The following MAGI2 variants were observed in gnomAD, a reference collection of about 807,000 sequenced individuals.
MAGI2 encodes membrane associated guanylate kinase, WW and PDZ domain containing 2.
A neutral mutation model predicts 133.3 loss-of-function variants in MAGI2; 35 were observed. The ratio of observed to expected loss-of-function variants is 0.26; its 90% CI spans 0.20 to 0.35. The LOEUF (loss-of-function observed/expected upper bound fraction) is 0.35. Among genes scored for constraint, MAGI2 ranks in the 10% least tolerant of loss-of-function variants. The pLI is 1.00. For synonymous variants in MAGI2, 729 were observed against 710.6 expected (o/e 1.03, Z -0.41); for missense variants, 1,636 against 1,863.4 (o/e 0.88, Z 2.25).
intron 2 of MAGI2, among the ~76,000 whole-genome samples, chr7:78,715,017 A>C (rs1469783595): frequency 6.6e-6 from 1 of 152,118 alleles, no homozygotes; most frequent in African/African-American, 2.4e-5. Flanking sequence ...GAGACCTCTT[A>C]TATATGTTTT....
intron 3 of MAGI2, among the ~76,000 whole-genome samples, chr7:78,566,242 T>C (rs1486593100): frequency 1.6e-4 from 24 of 152,070 alleles, no homozygotes. Context: ...AAGACCAATT[T>C]TCCTGAACAT....
At chr7:78,709,643 T>C (rs1280725000) in intron 2 of MAGI2, among the ~76,000 whole-genome samples, 1 of 152,174 alleles carries the variant, frequency 6.6e-6, no homozygotes, top group Non-Finnish European at 1.5e-5. Flanking sequence ...CCTCAATGAG[T>C]TTCTTAGGAG....
At chr7:78,471,502 G>T (rs920389656) in intron 6 of MAGI2, among the ~76,000 whole-genome samples, 1 of 152,112 alleles carries the variant, frequency 6.6e-6, no homozygotes, top group Non-Finnish European at 1.5e-5. Context: ...TAGAGAGCAA[G>T]AATGTATTGA....
At chr7:78,794,677 C>T (rs1787452764) in intron 2 of MAGI2, among the ~76,000 whole-genome samples, 1 of 151,168 alleles carries the variant, frequency 6.6e-6, no homozygotes, top group Non-Finnish European at 1.5e-5. Flanking sequence ...ATTTTATACA[C>T]TTGAAAATTA....
chr7:79,444,848 C>T (rs1350091301), intron 1 of MAGI2, among the ~76,000 whole-genome samples: 15 of 152,174 alleles, frequency 9.9e-5, no homozygotes, highest in Non-Finnish European at 2.1e-4. Context: ...AAAGAGCCTG[C>T]ATTGCCAAGT....
In MAGI2 at chr7:79,453,439, G is replaced by C; in HGVS notation, c.-119C>G. On this transcript the variant is annotated 5_prime_UTR_variant, in exon 1 of 22. Transcript: ENST00000354212. The stretch of plus-strand genomic sequence containing the variant: ...GGGAAGAACAGCAGACTTTGCCTTC[G>C]CCCCCCTCTATTCGGTGCTTTCCCT... 1 of 1,493,814 alleles carries C rather than the reference G, an allele frequency of 6.7e-7. No individual in the cohort carries two copies. 92.5% of individuals were successfully genotyped at this position (1,493,814 alleles called of 1,614,324 possible).
rs1465070150 is a variant in MAGI2, at chr7:78,160,162, C to T, written c.2708G>A (p.Ser903Asn). 3.1e-6 allele frequency: 5 copies of T among 1,612,702 alleles called. No homozygotes were observed. Among genetic ancestry groups the T allele is most frequent in the Non-Finnish European group, 4.2e-6 (5 of 1,179,422 alleles). The stretch of plus-strand genomic sequence containing the variant: ...GAAGCCTTCAGGGGGAGAGGCATTG[C>T]TACTGGGGGCAGCGTGGTTGCTGTT... ...YTNSNHAAPSSNASPPEGFAS... is the reference protein window; with the variant it reads ...YTNSNHAAPSNNASPPEGFAS... Residue 903 changes from serine to asparagine, a missense_variant, in exon 16 of 22, where the codon AGC (serine) becomes AAC (asparagine). This residue lies in a region of MAGI2 where 920 missense variants were observed against 1,093.5 expected (regional missense o/e 0.84). Transcript: ENST00000354212.
At chr7:78,461,605 G>A (rs995170498) in intron 6 of MAGI2, among the ~76,000 whole-genome samples, 4 of 151,924 alleles carry the variant, frequency 2.6e-5, no homozygotes, top group African/African-American at 9.7e-5. Flanking sequence ...TCACTGAAGA[G>A]AAGTGATGTA....
chr7:78,693,200 T>C (rs940995301), intron 2 of MAGI2, among the ~76,000 whole-genome samples: 1 of 152,162 alleles, frequency 6.6e-6, no homozygotes, highest in Non-Finnish European at 1.5e-5. Context: ...AGCTTCCTTG[T>C]CTGAAAAGGA....
At chr7:78,686,926 CA>C (rs1045138388) in intron 2 of MAGI2, among the ~76,000 whole-genome samples, 148 of 152,276 alleles carry the variant, frequency 9.7e-4, no homozygotes, top group African/African-American at 3.3e-3. Flanking sequence ...AGCATTCAAG[CA>C]GGGGTGAATG....
chr7:78,609,083 C>G (rs935003158), intron 3 of MAGI2, among the ~76,000 whole-genome samples: 2 of 152,168 alleles, frequency 1.3e-5, no homozygotes, highest in African/African-American at 4.8e-5. Context: ...GCCAGTCTTA[C>G]ATTTTCACGT....
intron 1 of MAGI2, among the ~76,000 whole-genome samples, chr7:79,293,324 C>A (rs2129558978): frequency 6.6e-6 from 1 of 152,004 alleles, no homozygotes; most frequent in African/African-American, 2.4e-5. Context: ...TTTCATATTT[C>A]CCTATTTAAT....
chr7:78,621,602 G>A (rs922810110), intron 3 of MAGI2, among the ~76,000 whole-genome samples: 1 of 151,920 alleles, frequency 6.6e-6, no homozygotes, highest in Non-Finnish European at 1.5e-5. Context: ...ATTGGGGGGT[G>A]GAAGCAGAAG....
At chr7:79,093,175 T>TA (rs879816262) in intron 1 of MAGI2, among the ~76,000 whole-genome samples, 170 of 142,320 alleles carry the variant, frequency 1.2e-3, no homozygotes, top group Middle Eastern at 3.5e-3. Flanking sequence ...TCAGCTCTAT[T>TA]AAAAAAAAAA....
At chr7:78,374,870 C>T (rs566849618) in intron 6 of MAGI2, among the ~76,000 whole-genome samples, 5 of 151,744 alleles carry the variant, frequency 3.3e-5, no homozygotes, top group African/African-American at 9.7e-5. Flanking sequence ...GACAGAGTCT[C>T]GCTCTGTCAC....
intron 9 of MAGI2, among the ~76,000 whole-genome samples, chr7:78,286,781 T>A (rs1796184397): frequency 6.6e-6 from 1 of 152,154 alleles, no homozygotes; most frequent in African/African-American, 2.4e-5. Flanking sequence ...GAAGGCTTCA[T>A]GGTCTCAGAG....
At chr7:79,166,941 C>G (rs6466535) in intron 1 of MAGI2, among the ~76,000 whole-genome samples, 114,793 of 151,832 alleles carry the variant, frequency 0.76, 44,931 homozygotes, top group Non-Finnish European at 0.87. Context: ...ATCTTAGGAA[C>G]TCACGTAATT....
At chr7:79,033,881 T>G (rs1409667020) in intron 1 of MAGI2, among the ~76,000 whole-genome samples, 3 of 152,152 alleles carry the variant, frequency 2.0e-5, no homozygotes, top group Non-Finnish European at 4.4e-5. Context: ...TCAGAGTAAT[T>G]TTATATCTTT....
intron 3 of MAGI2, among the ~76,000 whole-genome samples, chr7:78,608,143 C>G (rs1003126550): frequency 6.6e-6 from 1 of 152,132 alleles, no homozygotes; most frequent in African/African-American, 2.4e-5. Flanking sequence ...TCTATCAGGC[C>G]ACACACTAAG....
Sources: allele counts gnomAD v4.1 joint callset (sites outside exome capture counted in the v4.1 genomes callset), GRCh38; gene constraint gnomAD v4.1.1; regional missense constraint gnomAD v4.1.1; transcripts MANE v1.5; gene names NCBI Gene and HGNC (gene_info 2026-07-23, HGNC 2026-07-21).